The following ZNF804A variants were observed in gnomAD, a reference collection of about 807,000 sequenced individuals.
ZNF804A encodes the protein zinc finger protein 804A.
Under a neutral mutation model 16.5 loss-of-function variants are expected in ZNF804A, and 2 were observed. The observed-to-expected ratio is 0.12, with a 90% confidence interval of 0.05 to 0.38. The LOEUF is 0.38. ZNF804A is among the 10% of genes least tolerant of loss of function. ZNF804A has a pLI of 0.99. For synonymous variants in ZNF804A, 534 were observed against 489.6 expected, an observed-to-expected ratio of 1.09 and a Z score of -1.20; for missense variants, 1,473 against 1,390.7, an observed-to-expected ratio of 1.06 and a Z score of -0.94.
intron 1 of ZNF804A, among the ~76,000 whole-genome samples, chr2:184,648,466 C>T (rs1691919618): frequency 6.6e-6 from 1 of 152,048 alleles, no homozygotes; most frequent in African/African-American, 2.4e-5. Flanking sequence ...CATGGACTAA[C>T]AAGTTGGATT....
Position 184,937,807 on chromosome 2 carries a change from C to T in ZNF804A, c.2411C>T (p.Ala804Val). ...TTGAGGCCACCAAGTACTTCAGTTG[C>T]TCCCTGCAAGCCTAAAAAGAAACGG... Reference protein sequence around the residue: ...EFLRPPSTSVAPCKPKKKRRR... With the variant: ...EFLRPPSTSVVPCKPKKKRRR... The change falls in exon 4 of 4, where the codon GCT becomes GTT. Residue 804 changes from alanine to valine, a missense_variant. By Grantham distance (64) the Ala-to-Val change is moderately conservative (BLOSUM62 0). Coordinates refer to ENST00000302277, the MANE Select transcript of ZNF804A (RefSeq NM_194250.2). The T allele has an allele frequency of 6.2e-7, 1 of 1,614,070 alleles. No individual in the cohort carries two copies. Among genetic ancestry groups the T allele is most frequent in the Non-Finnish European group, 8.5e-7 (1 of 1,179,998 alleles).
chr2:184,788,721 A>G (rs1469204649), intron 1 of ZNF804A, among the ~76,000 whole-genome samples: 1 of 152,096 alleles, frequency 6.6e-6, no homozygotes, highest in Non-Finnish European at 1.5e-5. Flanking sequence ...CATCAGGTGT[A>G]GGAGTCTTTA....
In ZNF804A at chr2:184,938,790, C is replaced by A. The variant is rs779088691; in HGVS notation, c.3394C>A (p.Leu1132Ile). The A allele has an allele frequency of 1.9e-6, 3 of 1,613,672 alleles. No homozygotes were observed. In the African/African-American group the frequency reaches 4.0e-5, roughly 22 times the overall value. Residue 1132 changes from leucine to isoleucine, a missense_variant, in exon 4 of 4, where the codon CTT becomes ATT. Transcript: ENST00000302277. ...AGTGCTTCAGCCACACCAACAGTTTCTTTCCCAAATCCCAGCTCTCACCAG... is the reference window on the plus strand; with the variant it reads ...AGTGCTTCAGCCACACCAACAGTTTATTTCCCAAATCCCAGCTCTCACCAG... ...FKVLQPHQQF[L>I]SQIPALTRTS...
chr2:184,808,570 T>G (rs1056664812), intron 1 of ZNF804A, among the ~76,000 whole-genome samples: 6 of 151,532 alleles, frequency 4.0e-5, no homozygotes, highest in African/African-American at 1.4e-4. Context: ...TTAAAGCATA[T>G]ATCATTTAGT....
At chr2:184,685,251 A>G (rs1692609969) in intron 1 of ZNF804A, among the ~76,000 whole-genome samples, 1 of 152,022 alleles carries the variant, frequency 6.6e-6, no homozygotes. Context: ...CCCCATGTCT[A>G]GATGAAGGGA....
At chr2:184,932,582 C>A (rs1174120008) in intron 2 of ZNF804A, among the ~76,000 whole-genome samples, 2 of 152,092 alleles carry the variant, frequency 1.3e-5, no homozygotes, top group African/African-American at 4.8e-5. Flanking sequence ...ATGGATGCTA[C>A]AATTCAAGAT....
At chr2:184,851,773 A>G (rs749919111) in intron 1 of ZNF804A, among the ~76,000 whole-genome samples, 2 of 151,898 alleles carry the variant, frequency 1.3e-5, no homozygotes, top group African/African-American at 4.8e-5. Flanking sequence ...ATTGTTTTGC[A>G]TAATGGCTTG....
intron 2 of ZNF804A, among the ~76,000 whole-genome samples, chr2:184,929,179 C>G (rs1023284914): frequency 1.3e-5 from 2 of 152,122 alleles, no homozygotes; most frequent in Non-Finnish European, 2.9e-5. Context: ...CTGCTTCCAG[C>G]CATGCCTGTC....
At chr2:184,829,400 C>G (rs1176713922) in intron 1 of ZNF804A, among the ~76,000 whole-genome samples, 2 of 151,858 alleles carry the variant, frequency 1.3e-5, no homozygotes, top group Non-Finnish European at 2.9e-5. Context: ...ACTGACCTGG[C>G]CATTGTCATT....
At chr2:184,683,746 G>T (rs908831643) in intron 1 of ZNF804A, among the ~76,000 whole-genome samples, 1 of 152,092 alleles carries the variant, frequency 6.6e-6, no homozygotes, top group Non-Finnish European at 1.5e-5. Context: ...TGAGAATATG[G>T]AAAAGTATTT....
At chr2:184,877,841 T>C (rs940850660) in intron 2 of ZNF804A, among the ~76,000 whole-genome samples, 3 of 151,972 alleles carry the variant, frequency 2.0e-5, no homozygotes, top group Admixed American at 6.6e-5. Flanking sequence ...GTGAAGTACA[T>C]CTCCACTTCT....
chr2:184,666,277 A>G (rs1267105411), intron 1 of ZNF804A, among the ~76,000 whole-genome samples: 2 of 152,124 alleles, frequency 1.3e-5, no homozygotes, highest in Admixed American at 6.6e-5. Context: ...TTATCTCAAA[A>G]TAGCCTTATT....
At chr2:184,703,593 G>C (rs1167712095) in intron 1 of ZNF804A, among the ~76,000 whole-genome samples, 1 of 150,850 alleles carries the variant, frequency 6.6e-6, no homozygotes, top group Non-Finnish European at 1.5e-5. Context: ...GGGAGGCTGA[G>C]GCAGGAGAAT....
chr2:184,762,513 A>G (rs927731820), intron 1 of ZNF804A, among the ~76,000 whole-genome samples: 1 of 151,946 alleles, frequency 6.6e-6, no homozygotes, highest in Non-Finnish European at 1.5e-5. Context: ...TTTAAATGGC[A>G]AATATTTGCC....
At position 184,936,496 on chromosome 2, in the gene ZNF804A, A is replaced by G. The variant is rs1685790237; in HGVS notation, c.1100A>G (p.Asn367Ser). 4 of 1,613,840 alleles carry G rather than the reference A, an allele frequency of 2.5e-6. No individual in the cohort carries two copies. The highest frequency in any genetic ancestry group is 1.1e-5 in the South Asian group (1 of 91,078). Residue 367 changes from asparagine (N) to serine (S), a missense_variant, in exon 4 of 4, where the codon AAT (asparagine) becomes AGT (serine). Asn to Ser is a conservative substitution (Grantham distance 46, BLOSUM62 1). Transcript: ENST00000302277. ...GNKSTVLDMS[N>S]DCISVQATTE... ...AAATCCACAGTTCTTGACATGTCTA[A>G]TGATTGCATATCTGTGCAAGCTACC...
chr2:184,880,396 T>C (rs1470470195), intron 2 of ZNF804A, among the ~76,000 whole-genome samples: 3 of 152,054 alleles, frequency 2.0e-5, no homozygotes, highest in African/African-American at 4.8e-5. Context: ...CTTTTCTTTG[T>C]ACAAAATTAT....
chr2:184,599,090 T>C lies in ZNF804A; in HGVS notation c.111+20T>C, dbSNP rs1691005642. 4 of 1,215,026 alleles carry C rather than the reference T, an allele frequency of 3.3e-6. No homozygotes were observed. Among genetic ancestry groups the C allele is most frequent in the Non-Finnish European group, 4.6e-6 (4 of 861,298 alleles). The allele number at this position is 1,215,026 out of a possible 1,614,324, so 75.3% of individuals were successfully genotyped here. On this transcript the variant is annotated intron_variant, in intron 1 of 3. Coordinates refer to ENST00000302277, the MANE Select transcript of ZNF804A (RefSeq NM_194250.2). ...ACTCTGGTAATCGCTTCTGTTTTCC[T>C]CTCTCTCTCTCTCATATTTAAGAGG...
intron 1 of ZNF804A, among the ~76,000 whole-genome samples, chr2:184,757,774 T>A (rs142561063): frequency 6.6e-6 from 1 of 152,132 alleles, no homozygotes; most frequent in African/African-American, 2.4e-5. Flanking sequence ...GCCATGAGAT[T>A]CAAAGTGATT....
intron 1 of ZNF804A, among the ~76,000 whole-genome samples, chr2:184,749,625 C>CT (rs920493062): frequency 4.0e-5 from 6 of 151,042 alleles, no homozygotes; most frequent in Non-Finnish European, 7.4e-5. Flanking sequence ...AATATTGTAT[C>CT]TTTTTTATGT....
Sources: allele counts gnomAD v4.1 joint callset (sites outside exome capture counted in the v4.1 genomes callset), GRCh38; gene constraint gnomAD v4.1.1; transcripts MANE v1.5; gene names NCBI Gene and HGNC (gene_info 2026-07-23, HGNC 2026-07-21).